Variants in USP34 observed in about 807,000 individuals in gnomAD.
USP34 encodes ubiquitin specific peptidase 34, also known as ubiquitin carboxyl-terminal hydrolase 34.
Under a neutral mutation model 460.3 loss-of-function variants are expected in USP34, and 70 were observed. That is an observed-to-expected ratio of 0.15 (90% CI 0.13 to 0.19). The LOEUF (loss-of-function observed/expected upper bound fraction) is 0.19, where lower values mean the gene tolerates loss of function less well. Ranked by LOEUF, USP34 falls within the 10% of genes least tolerant of loss-of-function variation. The probability of loss-of-function intolerance (pLI) is 1.00; values close to 1 mark genes in which losing one functional copy is unlikely to be tolerated. For missense variants in USP34, 3,985 were observed against 4,236.2 expected (o/e 0.94, Z 1.65); for synonymous variants, 1,647 against 1,405.3 (o/e 1.17, Z -3.85).
At chr2:61,424,749 A>T (rs562000791) in intron 1 of USP34, among the ~76,000 whole-genome samples, 1 of 152,210 alleles carries the variant, frequency 6.6e-6, no homozygotes, top group South Asian at 2.1e-4. Flanking sequence ...TTTATGTTCT[A>T]TATTTTTTTT....
intron 29 of USP34, among the ~76,000 whole-genome samples, chr2:61,300,311 C>T (rs1436628771): frequency 1.3e-5 from 2 of 152,058 alleles, no homozygotes. Flanking sequence ...CCATCCTCTT[C>T]CCCATTCTCC....
At chr2:61,427,686 A>G (rs1191133431) in intron 1 of USP34, among the ~76,000 whole-genome samples, 1 of 152,238 alleles carries the variant, frequency 6.6e-6, no homozygotes, top group African/African-American at 2.4e-5. Context: ...GAAAAACGCA[A>G]TTGGCATACT....
At chr2:61,444,437 G>A (rs993546134) in intron 1 of USP34, among the ~76,000 whole-genome samples, 38 of 152,056 alleles carry the variant, frequency 2.5e-4, no homozygotes, top group African/African-American at 8.9e-4. Flanking sequence ...TAAAAATATA[G>A]AAGAAAGCAA....
intron 5 of USP34, among the ~76,000 whole-genome samples, chr2:61,384,605 G>A (rs1283280863): frequency 1.3e-5 from 2 of 152,018 alleles, no homozygotes; most frequent in Non-Finnish European, 2.9e-5. Flanking sequence ...CCCAGGAGGT[G>A]GAAGTCTCAG....
chr2:61,220,435 T>G lies in USP34; in HGVS notation c.7922A>C (p.Gln2641Pro), dbSNP rs1687526623. ...CTGCACTGCCAACCAATCTAGACAC[T>G]GAGAAGGATTGTATTCAATCACCTA... ...IWEVIEYNPS[Q>P]CLDWLAVQTP... The change falls in exon 67 of 80, where the codon CAG becomes CCG. Residue 2641 changes from glutamine (Q) to proline (P), a missense_variant. Gln to Pro is a moderately conservative substitution (Grantham distance 76). This residue lies in a region of USP34 where 604 missense variants were observed against 684.8 expected (regional missense o/e 0.88). Coordinates refer to ENST00000398571, the MANE Select transcript of USP34 (RefSeq NM_014709.4). The G allele has an allele frequency of 6.2e-7, 1 of 1,612,862 alleles. No individual in the cohort carries two copies. Among genetic ancestry groups the G allele is most frequent in the East Asian group, 2.2e-5 (1 of 44,836 alleles).
At chr2:61,441,960 A>C (rs1045866716) in intron 1 of USP34, among the ~76,000 whole-genome samples, 2 of 152,184 alleles carry the variant, frequency 1.3e-5, no homozygotes, top group Non-Finnish European at 2.9e-5. Context: ...GAGTGCCCAG[A>C]AGTTAATACA....
chr2:61,423,467 CA>C (rs1222203839), intron 1 of USP34, among the ~76,000 whole-genome samples: 1 of 151,930 alleles, frequency 6.6e-6, no homozygotes, highest in Non-Finnish European at 1.5e-5. Flanking sequence ...GCATCAGCAT[CA>C]AAAAGAAAAA....
intron 47 of USP34, 124 bp downstream of exon 47, chr2:61,256,749 C>T (rs1288269720): frequency 7.0e-6 from 5 of 710,196 alleles, no homozygotes; most frequent in Non-Finnish European, 1.1e-5. Context: ...TTGAATAGTA[C>T]AGTAAGAAGA....
chr2:61,426,182 T>C (rs1694506611), intron 1 of USP34, among the ~76,000 whole-genome samples: 1 of 152,096 alleles, frequency 6.6e-6, no homozygotes, highest in Admixed American at 6.6e-5. Flanking sequence ...CTGTGGTGGC[T>C]ATGGGGCAAA....
chr2:61,470,391 T>G (rs2104135630), intron 1 of USP34, among the ~76,000 whole-genome samples: 1 of 151,714 alleles, frequency 6.6e-6, no homozygotes, highest in African/African-American at 2.4e-5. Flanking sequence ...GAGGAAACTT[T>G]CCGAGAGCCC....
At chr2:61,195,198 T>C (rs1000316768) in intron 75 of USP34, among the ~76,000 whole-genome samples, 1 of 151,868 alleles carries the variant, frequency 6.6e-6, no homozygotes, top group Admixed American at 6.6e-5. Flanking sequence ...CCAGTCTGGG[T>C]GACAGAGCAA....
intron 33 of USP34, among the ~76,000 whole-genome samples, chr2:61,292,149 A>G (rs997116309): frequency 6.6e-6 from 1 of 152,322 alleles, no homozygotes; most frequent in African/African-American, 2.4e-5. Context: ...AATATAGTAA[A>G]AACAGTACAT....
chr2:61,407,728 C>T (rs933490070), intron 2 of USP34, among the ~76,000 whole-genome samples: 4 of 152,090 alleles, frequency 2.6e-5, no homozygotes, highest in African/African-American at 9.7e-5. Context: ...TTTTTTGGAT[C>T]ACTTACTCTA....
At chr2:61,266,744 A>G (rs371545774) in intron 41 of USP34, among the ~76,000 whole-genome samples, 1 of 152,192 alleles carries the variant, frequency 6.6e-6, no homozygotes, top group Non-Finnish European at 1.5e-5. Context: ...GGTCTGCAGT[A>G]TAAAACCTCC....
chr2:61,322,541 G>A (rs1690957518), intron 21 of USP34, among the ~76,000 whole-genome samples: 1 of 152,198 alleles, frequency 6.6e-6, no homozygotes, highest in Non-Finnish European at 1.5e-5. Flanking sequence ...TACATTTTAA[G>A]AGGTTCCAAA....
At chr2:61,306,444 C>T (rs1318642996) in intron 27 of USP34, among the ~76,000 whole-genome samples, 1 of 152,132 alleles carries the variant, frequency 6.6e-6, no homozygotes, top group Non-Finnish European at 1.5e-5. Flanking sequence ...TGTTTTGGTA[C>T]CAGTACCATG....
intron 48 of USP34, among the ~76,000 whole-genome samples, chr2:61,254,375 T>C (rs970282769): frequency 2.6e-5 from 4 of 152,216 alleles, no homozygotes; most frequent in African/African-American, 9.6e-5. Flanking sequence ...TTCTGATAGA[T>C]TCAATCACAC....
At position 61,314,674 on chromosome 2, in the gene USP34, G is replaced by T. The variant is rs1394535685; in HGVS notation, c.3453C>A (p.Ser1151Arg). ...TTGAGTGTGATTCCTGTTCAAGACTGCTAGAAGCTATCATAAGACTCTCCA... is the reference window on the plus strand; with the variant it reads ...TTGAGTGTGATTCCTGTTCAAGACTTCTAGAAGCTATCATAAGACTCTCCA... Reference protein sequence around the residue: ...KCMESLMIASSSLEQESHSSL... With the variant: ...KCMESLMIASRSLEQESHSSL... Residue 1151 changes from serine to arginine, a missense_variant, in exon 25 of 80, where the codon AGC becomes AGA. Ser to Arg is a moderately radical substitution (Grantham distance 110). Transcript: ENST00000398571. 2 of 1,602,992 alleles carry T rather than the reference G, an allele frequency of 1.2e-6. No individual in the cohort carries two copies. The highest frequency in any genetic ancestry group is 2.7e-5 in the African/African-American group (2 of 74,264).
In USP34 at chr2:61,470,754, G is replaced by C. The variant is rs1447465089; in HGVS notation, c.-62C>G. 1.2e-4 allele frequency: 172 copies of C among 1,466,076 alleles called. 1 individual carries two copies. The highest frequency in any genetic ancestry group is 1.4e-4 in the Non-Finnish European group (145 of 1,070,470). 90.8% of individuals were successfully genotyped at this position (1,466,076 alleles called of 1,614,324 possible). On this transcript the variant is annotated 5_prime_UTR_variant, in exon 1 of 80. Coordinates refer to ENST00000398571, the MANE Select transcript of USP34 (RefSeq NM_014709.4). ...TCACACTGACTGATCCCGACCGGCGGGGGGGAGGGGAGAGAGGCGGAGGAG... is the reference window on the plus strand; with the variant it reads ...TCACACTGACTGATCCCGACCGGCGCGGGGGAGGGGAGAGAGGCGGAGGAG...
Sources: allele counts gnomAD v4.1 joint callset (sites outside exome capture counted in the v4.1 genomes callset), GRCh38; gene constraint gnomAD v4.1.1; regional missense constraint gnomAD v4.1.1; transcripts MANE v1.5; gene names NCBI Gene and HGNC (gene_info 2026-07-23, HGNC 2026-07-21).